The following SPATA4 variants were observed in gnomAD, a reference collection of about 807,000 sequenced individuals.
SPATA4 encodes spermatogenesis associated 4.
In SPATA4, 35 loss-of-function variants were observed where a neutral mutation model predicts 31.8. The observed-to-expected ratio is 1.10, with a 90% CI of 0.84 to 1.46. The LOEUF (loss-of-function observed/expected upper bound fraction) is 1.46, where lower values mean the gene tolerates loss of function less well. Ranked by LOEUF, SPATA4 falls within the 40% of genes most tolerant of loss-of-function variation. SPATA4 has a pLI of 0.00. For missense variants in SPATA4, 394 were observed against 363.1 expected (o/e 1.09, Z -0.69); for synonymous variants, 126 against 132.4 (o/e 0.95, Z 0.33).
chr4:176,192,663 T>C lies in SPATA4; in HGVS notation c.652A>G (p.Met218Val), dbSNP rs778273864. Reference protein sequence around the residue: ...LKAEFLILLHMLQRKLGRKLN... With the variant: ...LKAEFLILLHVLQRKLGRKLN... ...TTTCTGCCTAATTTTCTTTGCAACA[T>C]ATGTAAAAGGATGAGGAACTCCGCT... Residue 218 changes from methionine (M) to valine (V), a missense_variant, in exon 4 of 6, where the codon ATG becomes GTG. Met to Val is a conservative substitution (Grantham distance 21, BLOSUM62 1). Coordinates refer to ENST00000280191, the MANE Select transcript of SPATA4 (RefSeq NM_144644.4). The C allele has an allele frequency of 5.6e-6, 9 of 1,614,062 alleles. No homozygotes were observed. In the South Asian group the frequency reaches 9.9e-5, roughly 18 times the overall value.
rs752874442 is a variant in SPATA4 at position 176,192,909 on chromosome 4, CA to C, written c.467+48del. The C allele has an allele frequency of 1.9e-6, 3 of 1,583,630 alleles. No homozygotes were observed. In the South Asian group the frequency reaches 3.5e-5, roughly 18 times the overall value. ...ATTTTAGCAATGAGTTTTATATTAT[CA>C]AAAGTTTCACATTAAATTGTGTTAC... On this transcript the variant is annotated intron_variant, in intron 3 of 5. Transcript: ENST00000280191.
In SPATA4 at chr4:176,192,960, T is replaced by A; in HGVS notation, c.465A>T (p.Arg155=). The A allele has an allele frequency of 6.3e-7, 1 of 1,597,922 alleles. No individual in the cohort carries two copies. The highest frequency in any genetic ancestry group is 1.1e-5 in the South Asian group (1 of 87,428). The change falls in exon 3 of 6, where the codon CGA becomes CGT. Residue 155 remains arginine, a splice_region_variant and synonymous_variant. Transcript: ENST00000280191. The part of the protein sequence containing the change: ...IEEVYTLLTH[R]EIKSIQDDFV... ...CTAGGAAATTACAAAGAACTTACTCTCGATGTGTTAATAAAGTGTAAACCT... is the reference window on the plus strand; with the variant it reads ...CTAGGAAATTACAAAGAACTTACTCACGATGTGTTAATAAAGTGTAAACCT...
chr4:176,185,631 T>C (rs1579293488), intron 5 of SPATA4, among the ~76,000 whole-genome samples: 1 of 152,188 alleles, frequency 6.6e-6, no homozygotes, highest in East Asian at 1.9e-4. Context: ...GTAGCAGACC[T>C]GAACTATTTA....
chr4:176,192,818 T>C lies in SPATA4; in HGVS notation c.497A>G (p.Asn166Ser). The part of the protein sequence containing the change: ...EIKSIQDDFV[N>S]FTDYSYQMRL... ...CATCTGGTAGCTATAGTCCGTGAAA[T>C]TCACAAAGTCATCCTGGATACTTTT... The change falls in exon 4 of 6, where the codon AAT becomes AGT. Residue 166 changes from asparagine (N) to serine (S), a missense_variant. Physicochemically the swap from Asn to Ser is conservative, Grantham distance 46. Coordinates refer to ENST00000280191, the MANE Select transcript of SPATA4 (RefSeq NM_144644.4). The C allele has an allele frequency of 6.2e-7, 1 of 1,613,994 alleles. No homozygotes were observed. The highest frequency in any genetic ancestry group is 8.5e-7 in the Non-Finnish European group (1 of 1,179,946).
intron 4 of SPATA4, among the ~76,000 whole-genome samples, chr4:176,190,210 CTT>C (rs1166552909): frequency 6.6e-6 from 1 of 152,234 alleles, no homozygotes; most frequent in East Asian, 1.9e-4. Context: ...GTTTTTACTT[CTT>C]CTTTCTTTGG....
rs189457552 is a variant in SPATA4 at position 176,195,227 on chromosome 4, G to C, written c.218+118C>G. On this transcript the variant is annotated intron_variant, in intron 1 of 5. Transcript: ENST00000280191. ...AGTGTTTTCGTGTGTGTACGTGGGT[G>C]GGGGGGTCTTGATTTGAAACATAAG... 6.6e-4 allele frequency: 545 copies of C among 828,880 alleles called. 3 individuals are homozygous for C. In the African/African-American group the frequency reaches 8.0e-3, roughly 12 times the overall value. 51.3% of individuals were successfully genotyped at this position (828,880 alleles called of 1,614,324 possible).
In SPATA4 at chr4:176,184,733, C is replaced by T. The variant is rs977690120; in HGVS notation, c.*47G>A. 2 of 1,133,484 alleles carry T rather than the reference C, an allele frequency of 1.8e-6. No individual in the cohort carries two copies. Among genetic ancestry groups the T allele is most frequent in the African/African-American group, 3.1e-5 (2 of 63,848 alleles). The allele number at this position is 1,133,484 out of a possible 1,614,324, so 70.2% of individuals were successfully genotyped here. A position where few individuals can be genotyped will look rare whatever the true frequency, so the allele number is the denominator to read the frequency against. On this transcript the variant is annotated 3_prime_UTR_variant, in exon 6 of 6. Coordinates refer to ENST00000280191, the MANE Select transcript of SPATA4 (RefSeq NM_144644.4). ...AGGTGATTCTGTTTCTTTATTATGGCTAGAGATGGTGGCATCACTTCTTCA... is the reference window on the plus strand; with the variant it reads ...AGGTGATTCTGTTTCTTTATTATGGTTAGAGATGGTGGCATCACTTCTTCA...
chr4:176,195,283 C>G, intron 1 of SPATA4, 62 bp downstream of exon 1: 1 of 1,561,110 alleles, frequency 6.4e-7, no homozygotes, highest in Non-Finnish European at 8.8e-7. Flanking sequence ...TGAGGCCTGG[C>G]AGGCGGCGGA....
Position 176,184,895 on chromosome 4 carries a change from G to A in SPATA4, c.806-3C>T. On this transcript the variant is annotated splice_region_variant and splice_polypyrimidine_tract_variant and intron_variant, in intron 5 of 5. Transcript: ENST00000280191. ...ACTGCCACCACTACCTATATTTGCTGGGACATTTAAATAAGCAAAATTAAA... is the reference window on the plus strand; with the variant it reads ...ACTGCCACCACTACCTATATTTGCTAGGACATTTAAATAAGCAAAATTAAA... 6.4e-7 allele frequency: 1 copy of A among 1,555,960 alleles called. No homozygotes were observed. Among genetic ancestry groups the A allele is most frequent in the Non-Finnish European group, 8.7e-7 (1 of 1,145,886 alleles).
intron 1 of SPATA4, chr4:176,194,818 T>A (rs1360158160): frequency 1.5e-5 from 2 of 135,506 alleles, no homozygotes. Flanking sequence ...CACAGCAACC[T>A]CCGCCTCCCG....
chr4:176,195,442 C>G lies in SPATA4; in HGVS notation c.121G>C (p.Val41Leu), dbSNP rs375064660. Reference sequence around the variant, plus strand: ...GAGCTCTTCGGCGCATGCGGATAGACCAGACACTTCTTAGGCCTCCCTCGG... The same window carrying G: ...GAGCTCTTCGGCGCATGCGGATAGAGCAGACACTTCTTAGGCCTCCCTCGG... Reference protein sequence around the residue: ...PIRGRPKKCLVYPHAPKSSRL... With the variant: ...PIRGRPKKCLLYPHAPKSSRL... The change falls in exon 1 of 6, where the codon GTC becomes CTC. Residue 41 changes from valine to leucine, a missense_variant. Physicochemically the swap from Val to Leu is conservative, Grantham distance 32 (BLOSUM62 1). Transcript: ENST00000280191. 2 of 1,614,132 alleles carry G rather than the reference C, an allele frequency of 1.2e-6. No individual in the cohort carries two copies. The highest frequency in any genetic ancestry group is 2.7e-5 in the African/African-American group (2 of 74,948).
chr4:176,192,816 A>G lies in SPATA4; in HGVS notation c.499T>C (p.Phe167Leu). ...CGCATCTGGTAGCTATAGTCCGTGA[A>G]ATTCACAAAGTCATCCTGGATACTT... ...IKSIQDDFVN[F>L]TDYSYQMRLP... is the part of the protein sequence containing the mutation. Residue 167 changes from phenylalanine to leucine, a missense_variant, in exon 4 of 6, where the codon TTC becomes CTC. Transcript: ENST00000280191. 6.2e-7 allele frequency: 1 copy of G among 1,614,064 alleles called. No individual in the cohort carries two copies. Among genetic ancestry groups the G allele is most frequent in the Non-Finnish European group, 8.5e-7 (1 of 1,179,976 alleles).
At chr4:176,185,635 C>T (rs1354414590) in intron 5 of SPATA4, among the ~76,000 whole-genome samples, 2 of 152,124 alleles carry the variant, frequency 1.3e-5, no homozygotes, top group African/African-American at 4.8e-5. Context: ...CAGACCTGAA[C>T]TATTTACTCT....
chr4:176,193,409 A>G, intron 2 of SPATA4, 44 bp downstream of exon 2: 2 of 1,596,072 alleles, frequency 1.3e-6, no homozygotes, highest in Admixed American at 1.8e-5. Context: ...ACACTTTAAA[A>G]CAAACATCTT....
At chr4:176,194,793 G>A (rs953634936) in intron 1 of SPATA4, 1 of 136,370 alleles carries the variant, frequency 7.3e-6, no homozygotes, top group African/African-American at 2.8e-5. Flanking sequence ...GGAGTGCAGC[G>A]GCATAATCTC....
chr4:176,189,124 A>C (rs1227669349), intron 4 of SPATA4, among the ~76,000 whole-genome samples: 1 of 152,240 alleles, frequency 6.6e-6, no homozygotes, highest in Non-Finnish European at 1.5e-5. Context: ...TTTTCTACAA[A>C]GATAGACTTT....
At chr4:176,188,570 A>G (rs1752480769) in intron 4 of SPATA4, among the ~76,000 whole-genome samples, 1 of 152,216 alleles carries the variant, frequency 6.6e-6, no homozygotes. Flanking sequence ...ACCATCATCC[A>G]GATCAAGAAA....
intron 2 of SPATA4, 84 bp downstream of exon 2, chr4:176,193,369 A>G: frequency 6.6e-7 from 1 of 1,509,032 alleles, no homozygotes; most frequent in Non-Finnish European, 9.0e-7. Flanking sequence ...TCACACACAT[A>G]CACGTAGAGA....
chr4:176,187,936 A>T (rs150123849), intron 5 of SPATA4, among the ~76,000 whole-genome samples, 183 bp downstream of exon 5: 228 of 152,334 alleles, frequency 1.5e-3, no homozygotes, highest in African/African-American at 5.3e-3. Context: ...GGGGGCAGCG[A>T]CTTAGCAGAC....
Sources: gnomAD v4.1 joint callset for allele counts (sites outside exome capture counted in the v4.1 genomes callset) on GRCh38, gnomAD v4.1.1 for gene constraint, MANE v1.5 for transcripts, NCBI Gene and HGNC (gene_info 2026-07-23, HGNC 2026-07-21) for gene names.